Variants in ASIC2 observed in about 807,000 individuals in gnomAD.
ASIC2 encodes acid-sensing ion channel 2.
ASIC2 carries 25 observed loss-of-function variants against 57.3 expected under a neutral mutation model. The observed-to-expected ratio is 0.44, with a 90% CI of 0.32 to 0.61. The LOEUF (loss-of-function observed/expected upper bound fraction) is 0.61, where lower values mean the gene tolerates loss of function less well. Among genes scored for constraint, ASIC2 ranks in the 20% least tolerant of loss-of-function variants. The probability of loss-of-function intolerance (pLI) is 0.06; values close to 1 mark genes in which losing one functional copy is unlikely to be tolerated. For missense variants in ASIC2, 641 were observed against 738.1 expected, an observed-to-expected ratio of 0.87 and a Z score of 1.52; for synonymous variants, 319 against 307.5, an observed-to-expected ratio of 1.04 and a Z score of -0.39.
rs61275787 is a variant in ASIC2 at position 33,583,452 on chromosome 17, T to C, written c.556-471385A>G. ...CTGCCTCCCTAGAAGAGAAGTTGCT[T>C]CGCAGTGGGCACTGTGCTATCTATG... On this transcript the variant is annotated intron_variant, in intron 1 of 9. Coordinates refer to the ASIC2 transcript ENST00000359872. Among the ~76,000 whole-genome samples, 1,094 of 152,026 alleles carry C rather than the reference T, an allele frequency of 7.2e-3. 20 individuals carry two copies. The highest frequency in any genetic ancestry group is 0.025 in the African/African-American group (1,041 of 41,478).
At chr17:33,350,449 G>A (rs1908118034) in intron 1 of ASIC2, among the ~76,000 whole-genome samples, 2 of 152,076 alleles carry the variant, frequency 1.3e-5, no homozygotes, top group African/African-American at 2.4e-5. Context: ...GGAGGCTGAG[G>A]TGGGTGGATC....
intron 1 of ASIC2, among the ~76,000 whole-genome samples, chr17:33,574,368 G>A (rs895252490): frequency 6.6e-6 from 1 of 152,120 alleles, no homozygotes; most frequent in African/African-American, 2.4e-5. Context: ...CCATAGCCTT[G>A]TCCATTTTAC....
At chr17:34,116,545 T>C (rs1159718289) in intron 1 of ASIC2, among the ~76,000 whole-genome samples, 1 of 152,156 alleles carries the variant, frequency 6.6e-6, no homozygotes, top group Non-Finnish European at 1.5e-5. Flanking sequence ...TCTTACATTC[T>C]AGTCAGGGGG....
At chr17:33,264,327 C>A (rs149792564) in intron 1 of ASIC2, among the ~76,000 whole-genome samples, 1 of 152,230 alleles carries the variant, frequency 6.6e-6, no homozygotes, top group Non-Finnish European at 1.5e-5. Flanking sequence ...TCACTATGTG[C>A]ATGGCATGAC....
chr17:33,543,921 A>G (rs183235356), intron 1 of ASIC2, among the ~76,000 whole-genome samples: 15 of 152,314 alleles, frequency 9.8e-5, no homozygotes, highest in African/African-American at 3.4e-4. Flanking sequence ...TTTTGAGAAG[A>G]GAGTACAGTA....
chr17:33,387,613 C>A (rs778258527), intron 1 of ASIC2, among the ~76,000 whole-genome samples: 1 of 152,230 alleles, frequency 6.6e-6, no homozygotes, highest in Non-Finnish European at 1.5e-5. Flanking sequence ...AGATCAGAGT[C>A]TCTGGAACCT....
In ASIC2 at chr17:33,486,796, T is replaced by C. The variant is rs543947861; in HGVS notation, c.556-374729A>G. Among the ~76,000 whole-genome samples the C allele has an allele frequency of 1.4e-3, 207 of 152,334 alleles. 1 individual carries two copies. Among genetic ancestry groups the C allele is most frequent in the Admixed American group, 1.2e-3 (19 of 15,310 alleles). Reference sequence around the variant, plus strand: ...AATGTGCTACTGCTGTTCCTCCCACTTCTCACTGGCCAGCTTTCCCCTCAT... The same window carrying C: ...AATGTGCTACTGCTGTTCCTCCCACCTCTCACTGGCCAGCTTTCCCCTCAT... On this transcript the variant is annotated intron_variant, in intron 1 of 9. Transcript: ENST00000359872.
At chr17:33,215,890 G>T (rs938840444) in intron 1 of ASIC2, among the ~76,000 whole-genome samples, 1 of 152,042 alleles carries the variant, frequency 6.6e-6, no homozygotes, top group Non-Finnish European at 1.5e-5. Flanking sequence ...TAGTAGAGAC[G>T]GGGTTTCACC....
At chr17:34,026,980 C>T (rs1014110608) in intron 1 of ASIC2, among the ~76,000 whole-genome samples, 4 of 152,108 alleles carry the variant, frequency 2.6e-5, no homozygotes, top group African/African-American at 9.7e-5. Context: ...GAAAATTGGC[C>T]TCCAGATTTA....
chr17:33,809,449 T>C (rs776087994), intron 1 of ASIC2, among the ~76,000 whole-genome samples: 3 of 152,146 alleles, frequency 2.0e-5, no homozygotes, highest in Admixed American at 6.5e-5. Context: ...TGCCCTGAGA[T>C]TGGATGATTG....
At chr17:33,405,574 C>T (rs1753031905) in intron 1 of ASIC2, among the ~76,000 whole-genome samples, 1 of 150,554 alleles carries the variant, frequency 6.6e-6, no homozygotes, top group African/African-American at 2.5e-5. Flanking sequence ...ACCTCTGCCT[C>T]CTGGGTTCAA....
At chr17:33,814,807 GCA>G (rs72286309) in intron 1 of ASIC2, among the ~76,000 whole-genome samples, 11,170 of 152,246 alleles carry the variant, frequency 0.073, 458 homozygotes, top group East Asian at 0.18. Context: ...AGACATGTGT[GCA>G]CACACATTAT....
intron 1 of ASIC2, among the ~76,000 whole-genome samples, chr17:33,138,089 G>A (rs2092373189): frequency 6.6e-6 from 1 of 152,204 alleles, no homozygotes; most frequent in South Asian, 2.1e-4. Context: ...GGGACAGAGG[G>A]TCCTGGGAGG....
chr17:33,998,984 T>C (rs1471317401), intron 1 of ASIC2, among the ~76,000 whole-genome samples: 1 of 152,118 alleles, frequency 6.6e-6, no homozygotes, highest in Non-Finnish European at 1.5e-5. Flanking sequence ...CTACTAATGT[T>C]GTTGTCTGTT....
At chr17:33,520,326 T>G (rs1197114174) in intron 1 of ASIC2, among the ~76,000 whole-genome samples, 1 of 152,196 alleles carries the variant, frequency 6.6e-6, no homozygotes, top group African/African-American at 2.4e-5. Flanking sequence ...ACTCGCGAAT[T>G]CATTCTTGTG....
intron 1 of ASIC2, among the ~76,000 whole-genome samples, chr17:33,389,732 A>T (rs1909822794): frequency 6.6e-6 from 1 of 152,224 alleles, no homozygotes; most frequent in African/African-American, 2.4e-5. Context: ...GTCTGTCTTC[A>T]TGCATGTGAA....
In ASIC2 at chr17:33,286,085, C is replaced by T. The variant is rs1905162579; in HGVS notation, c.708+5323G>A. Among the ~76,000 whole-genome samples the T allele has an allele frequency of 1.3e-5, 2 of 152,256 alleles. 1 individual carries two copies. The highest frequency in any genetic ancestry group is 4.1e-4 in the South Asian group (2 of 4,836). ...CTAAAGCTATCCATCCTCCCAACTACTGGACTGCCTGGCCTAGTGCCATTT... is the reference window on the plus strand; with the variant it reads ...CTAAAGCTATCCATCCTCCCAACTATTGGACTGCCTGGCCTAGTGCCATTT... On this transcript the variant is annotated intron_variant, in intron 1 of 9. Transcript: ENST00000225823.
chr17:33,110,394 C>T (rs2092252425), intron 2 of ASIC2, among the ~76,000 whole-genome samples: 2 of 152,150 alleles, frequency 1.3e-5, no homozygotes, highest in Non-Finnish European at 2.9e-5. Flanking sequence ...CGGACACAAA[C>T]CTTCGTCCCT....
intron 1 of ASIC2, among the ~76,000 whole-genome samples, chr17:33,342,858 C>A (rs1265232439): frequency 6.6e-6 from 1 of 152,190 alleles, no homozygotes; most frequent in Non-Finnish European, 1.5e-5. Context: ...GCTGTTCCAT[C>A]ATCCCCTTCA....
Sources: gnomAD v4.1 joint callset for allele counts (sites outside exome capture counted in the v4.1 genomes callset) on GRCh38, gnomAD v4.1.1 for gene constraint, MANE v1.5 for transcripts, NCBI Gene and HGNC (gene_info 2026-07-23, HGNC 2026-07-21) for gene names.